ANK2: variants seen among roughly 807,000 people sequenced by gnomAD.
ANK2 encodes the protein ankyrin 2.
ANK2 carries 83 observed loss-of-function variants against 360.5 expected under a neutral mutation model. The ratio of observed to expected loss-of-function variants is 0.23; its 90% CI spans 0.19 to 0.28. ANK2 has a LOEUF of 0.28. Among genes scored for constraint, ANK2 ranks in the 10% least tolerant of loss-of-function variants. The pLI is 1.00. For synonymous variants in ANK2, 1,740 were observed against 1,759.5 expected (o/e 0.99, Z 0.28); for missense variants, 4,201 against 4,795.7 (o/e 0.88, Z 3.66).
intron 2 of ANK2, among the ~76,000 whole-genome samples, chr4:112,961,778 G>C (rs2034955267): frequency 6.6e-6 from 1 of 152,120 alleles, no homozygotes; most frequent in Non-Finnish European, 1.5e-5. Flanking sequence ...ATAATGACCA[G>C]AGCTGAGTTT....
the ANK2 span, among the ~76,000 whole-genome samples, chr4:112,768,375 T>C: frequency 6.6e-6 from 1 of 152,110 alleles, no homozygotes; most frequent in East Asian, 1.9e-4. Flanking sequence ...CATCTCAGCC[T>C]CCCAAGTAGC....
intron 2 of ANK2, among the ~76,000 whole-genome samples, chr4:112,963,905 A>G (rs2154262035): frequency 6.6e-6 from 1 of 152,172 alleles, no homozygotes; most frequent in Non-Finnish European, 1.5e-5. Flanking sequence ...ATTTATAGTT[A>G]CTGAGTCCTG....
chr4:113,206,959 G>A (rs1430003117), intron 4 of ANK2, among the ~76,000 whole-genome samples: 1 of 152,190 alleles, frequency 6.6e-6, no homozygotes, highest in Non-Finnish European at 1.5e-5. Context: ...GGGAGGCAGA[G>A]GTTGCAGTGA....
At chr4:113,013,991 G>A (rs1438696829) in intron 2 of ANK2, among the ~76,000 whole-genome samples, 1 of 151,926 alleles carries the variant, frequency 6.6e-6, no homozygotes, top group Non-Finnish European at 1.5e-5. Context: ...TCTTGTATGT[G>A]GAATTTGATT....
chr4:112,738,946 C>A, the ANK2 span: 1 of 717,488 alleles, frequency 1.4e-6, no homozygotes, highest in South Asian at 1.3e-5. Flanking sequence ...TGGTCCAGAA[C>A]ATCAAGGAGC....
chr4:112,731,290 T>C, the ANK2 span, among the ~76,000 whole-genome samples: 1 of 115,958 alleles, frequency 8.6e-6, no homozygotes, highest in African/African-American at 3.3e-5. Flanking sequence ...CAAGATGTAG[T>C]CTCAAAAAAA....
chr4:113,198,752 T>C (rs1157470153), intron 3 of ANK2, among the ~76,000 whole-genome samples: 1 of 152,148 alleles, frequency 6.6e-6, no homozygotes, highest in Non-Finnish European at 1.5e-5. Flanking sequence ...CCACAAATTT[T>C]TGATTCATTG....
At chr4:113,233,714 T>C (rs2099348736) in intron 5 of ANK2, among the ~76,000 whole-genome samples, 1 of 152,044 alleles carries the variant, frequency 6.6e-6, no homozygotes, top group Admixed American at 6.6e-5. Context: ...GACAGCTTAT[T>C]CTCGTTAGTT....
chr4:113,007,890 AG>A (rs1447698546), intron 2 of ANK2, among the ~76,000 whole-genome samples: 1 of 152,188 alleles, frequency 6.6e-6, no homozygotes, highest in Non-Finnish European at 1.5e-5. Flanking sequence ...GGCAGCAAAA[AG>A]ATGCAATATA....
chr4:113,203,345 A>T (rs913957248), intron 4 of ANK2, among the ~76,000 whole-genome samples: 1 of 152,194 alleles, frequency 6.6e-6, no homozygotes, highest in Non-Finnish European at 1.5e-5. Flanking sequence ...GAAAGTTTTT[A>T]AAAAATATTC....
chr4:112,786,563 GT>G, the ANK2 span, among the ~76,000 whole-genome samples: 67 of 151,200 alleles, frequency 4.4e-4, 1 homozygote, highest in African/African-American at 1.5e-3. Context: ...CACCCAGCTA[GT>G]TTTTGTATTT....
intron 1 of ANK2, among the ~76,000 whole-genome samples, chr4:112,900,877 G>A (rs1272978057): frequency 6.6e-6 from 1 of 152,134 alleles, no homozygotes; most frequent in Non-Finnish European, 1.5e-5. Context: ...GCTTTATGAA[G>A]CAGGAAAACC....
intron 1 of ANK2, among the ~76,000 whole-genome samples, chr4:112,863,679 C>G (rs985073294): frequency 1.8e-4 from 28 of 151,884 alleles, no homozygotes; most frequent in African/African-American, 6.5e-4. Flanking sequence ...CCAGCCACCA[C>G]GCCCGGCTAA....
At chr4:113,074,074 C>T (rs1692556271) in intron 1 of ANK2, among the ~76,000 whole-genome samples, 1 of 152,124 alleles carries the variant, frequency 6.6e-6, no homozygotes, top group African/African-American at 2.4e-5. Context: ...TGAGCAATTT[C>T]AAAATTTTTT....
At chr4:113,174,314 C>A in intron 1 of ANK2, 102 bp from the exon 2 acceptor site, 3 of 979,318 alleles carry the variant, frequency 3.1e-6, no homozygotes, top group South Asian at 1.4e-5. Flanking sequence ...ATTTTTCCAA[C>A]TAAAGCTTTT....
intron 2 of ANK2, among the ~76,000 whole-genome samples, chr4:112,907,819 T>C (rs940936727): frequency 3.9e-5 from 6 of 152,198 alleles, no homozygotes; most frequent in African/African-American, 1.4e-4. Context: ...ATCTGGGATT[T>C]GAAAAGCCAA....
intron 26 of ANK2, among the ~76,000 whole-genome samples, chr4:113,319,850 C>T (rs1241017723): frequency 6.6e-6 from 1 of 152,076 alleles, no homozygotes; most frequent in African/African-American, 2.4e-5. Flanking sequence ...TGAACTTCTT[C>T]ACAGTGGTAA....
intron 2 of ANK2, among the ~76,000 whole-genome samples, chr4:112,920,583 C>T: frequency 6.6e-6 from 1 of 152,138 alleles, no homozygotes; most frequent in Non-Finnish European, 1.5e-5. Context: ...ATGTACTTTA[C>T]TTTTACTTAT....
At chr4:113,364,661 G>A (rs967006242) in intron 40 of ANK2, among the ~76,000 whole-genome samples, 1 of 152,130 alleles carries the variant, frequency 6.6e-6, no homozygotes, top group Non-Finnish European at 1.5e-5. Context: ...GTCAGATTTA[G>A]CAAATAAAAA....
Sources: allele counts gnomAD v4.1 joint callset (sites outside exome capture counted in the v4.1 genomes callset), GRCh38; gene constraint gnomAD v4.1.1; transcripts MANE v1.5; gene names NCBI Gene and HGNC (gene_info 2026-07-23, HGNC 2026-07-21).